DTNB: variants seen among roughly 807,000 people sequenced by gnomAD.
DTNB encodes DTN-B.
Under a neutral mutation model 90.7 loss-of-function variants are expected in DTNB, and 63 were observed. That is an observed-to-expected ratio of 0.69 (90% CI 0.57 to 0.86). The LOEUF is 0.86. Ranked by LOEUF, DTNB falls within the 40% of genes least tolerant of loss-of-function variation. The pLI is 0.00. For synonymous variants in DTNB, 277 were observed against 286.7 expected (o/e 0.97, Z 0.34); for missense variants, 744 against 807.1 (o/e 0.92, Z 0.95).
In DTNB at chr2:25,509,472, T is replaced by C. The variant is rs143394324; in HGVS notation, c.1001+22001A>G. ...GCGAGGTTCCTTTAGTAGTGAGCAT[T>C]TTTATTCATCTGCAAATGTTTTTGT... On this transcript the variant is annotated intron_variant, in intron 9 of 20. Coordinates refer to ENST00000406818, the MANE Select transcript of DTNB (RefSeq NM_021907.5). Among the ~76,000 whole-genome samples the C allele has an allele frequency of 4.6e-3, 700 of 152,282 alleles. 4 individuals are homozygous for C. The highest frequency in any genetic ancestry group is 6.1e-3 in the Non-Finnish European group (417 of 68,028).
intron 12 of DTNB, among the ~76,000 whole-genome samples, chr2:25,450,954 G>T (rs752080604): frequency 3.3e-5 from 5 of 152,072 alleles, no homozygotes; most frequent in African/African-American, 1.2e-4. Flanking sequence ...ACAGGTGCGT[G>T]CTACCACACC....
intron 10 of DTNB, among the ~76,000 whole-genome samples, chr2:25,479,920 A>G (rs539895475): frequency 7.9e-5 from 12 of 152,142 alleles, no homozygotes; most frequent in Non-Finnish European, 1.6e-4. Context: ...GTCTGGGCAG[A>G]GTAAGGCTCT....
At chr2:25,538,880 T>G (rs2080476315) in intron 8 of DTNB, among the ~76,000 whole-genome samples, 1 of 152,224 alleles carries the variant, frequency 6.6e-6, no homozygotes, top group Non-Finnish European at 1.5e-5. Flanking sequence ...CCACTCCCAC[T>G]CTGCCTCCTC....
chr2:25,437,262 G>C (rs1250254982), intron 12 of DTNB, among the ~76,000 whole-genome samples: 1 of 151,316 alleles, frequency 6.6e-6, no homozygotes, highest in Non-Finnish European at 1.5e-5. Flanking sequence ...TTTTATCTAT[G>C]TACTTTTTTT....
intron 16 of DTNB, among the ~76,000 whole-genome samples, chr2:25,396,615 T>C (rs1445071394): frequency 6.6e-6 from 1 of 151,578 alleles, no homozygotes; most frequent in Admixed American, 6.6e-5. Context: ...CAGTGTACAC[T>C]GCTTGGGTGA....
chr2:25,645,592 C>A (rs867417194), intron 2 of DTNB, among the ~76,000 whole-genome samples: 1 of 151,998 alleles, frequency 6.6e-6, no homozygotes, highest in African/African-American at 2.4e-5. Flanking sequence ...CAAAAACATG[C>A]CACCACACCT....
chr2:25,476,234 A>C (rs1266678140), intron 10 of DTNB, among the ~76,000 whole-genome samples: 1 of 151,954 alleles, frequency 6.6e-6, no homozygotes, highest in Admixed American at 6.6e-5. Context: ...ATGCCAAGCT[A>C]ATTTTTGTAG....
intron 9 of DTNB, among the ~76,000 whole-genome samples, chr2:25,522,454 T>C (rs1304396341): frequency 1.3e-5 from 2 of 152,188 alleles, no homozygotes; most frequent in African/African-American, 2.4e-5. Context: ...TCAATACATT[T>C]TAGGTGCCTA....
At chr2:25,481,138 C>A (rs977497634) in intron 10 of DTNB, among the ~76,000 whole-genome samples, 6 of 152,000 alleles carry the variant, frequency 3.9e-5, no homozygotes, top group African/African-American at 7.3e-5. Context: ...GTGGCTCGTG[C>A]CCGTAATCCA....
chr2:25,573,647 AG>A (rs2060212526), intron 8 of DTNB, among the ~76,000 whole-genome samples: 1 of 152,202 alleles, frequency 6.6e-6, no homozygotes, highest in Non-Finnish European at 1.5e-5. Flanking sequence ...CACTTGACCT[AG>A]AGCCCGGTGG....
At chr2:25,434,208 G>A (rs553151346) in intron 12 of DTNB, among the ~76,000 whole-genome samples, 4 of 151,848 alleles carry the variant, frequency 2.6e-5, no homozygotes, top group African/African-American at 7.3e-5. Flanking sequence ...TTCCATCACC[G>A]CAAAAAATTC....
chr2:25,501,017 C>G (rs1346269354), intron 9 of DTNB, among the ~76,000 whole-genome samples: 1 of 152,132 alleles, frequency 6.6e-6, no homozygotes, highest in Admixed American at 6.5e-5. Context: ...CCAAAAAGGT[C>G]TTCAAATACC....
intron 9 of DTNB, among the ~76,000 whole-genome samples, chr2:25,496,216 C>T (rs748716849): frequency 6.6e-6 from 1 of 152,178 alleles, no homozygotes; most frequent in Non-Finnish European, 1.5e-5. Flanking sequence ...GTCTTATAAA[C>T]CGGATCATCA....
chr2:25,611,350 G>A (rs1255925860), intron 4 of DTNB, among the ~76,000 whole-genome samples: 1 of 151,896 alleles, frequency 6.6e-6, no homozygotes, highest in Non-Finnish European at 1.5e-5. Context: ...CTTACTAAAA[G>A]AAAGAAAAAA....
Position 25,628,307 on chromosome 2 carries a change from T to A in DTNB, c.226A>T (p.Ile76Phe). 1 of 1,613,534 alleles carries A rather than the reference T, an allele frequency of 6.2e-7. No individual in the cohort carries two copies. The highest frequency in any genetic ancestry group is 8.5e-7 in the Non-Finnish European group (1 of 1,179,828). ...ACAGTTTCGAGGCGGGACACACTGATCTCGGTGGTATGGTCCAGTGTATTA... is the reference window on the plus strand; with the variant it reads ...ACAGTTTCGAGGCGGGACACACTGAACTCGGTGGTATGGTCCAGTGTATTA... Reference protein sequence around the residue: ...GLNTLDHTTEISVSRLETVIS... With the variant: ...GLNTLDHTTEFSVSRLETVIS... The change falls in exon 4 of 21, where the codon ATC (isoleucine) becomes TTC (phenylalanine). Residue 76 changes from isoleucine to phenylalanine, a missense_variant. Physicochemically the swap from Ile to Phe is conservative, Grantham distance 21. Coordinates refer to ENST00000406818, the MANE Select transcript of DTNB (RefSeq NM_021907.5).
At chr2:25,398,525 C>T (rs2042947262) in intron 16 of DTNB, among the ~76,000 whole-genome samples, 1 of 152,202 alleles carries the variant, frequency 6.6e-6, no homozygotes, top group Non-Finnish European at 1.5e-5. Context: ...TATGCATGGG[C>T]TTTCGCCAGG....
At chr2:25,627,558 A>G (rs2074502133) in intron 4 of DTNB, among the ~76,000 whole-genome samples, 1 of 152,164 alleles carries the variant, frequency 6.6e-6, no homozygotes, top group Non-Finnish European at 1.5e-5. Context: ...AATCAAATTC[A>G]AAACTTAGTG....
At chr2:25,658,789 A>G (rs2082570040) in intron 1 of DTNB, among the ~76,000 whole-genome samples, 1 of 152,232 alleles carries the variant, frequency 6.6e-6, no homozygotes, top group Non-Finnish European at 1.5e-5. Flanking sequence ...GAGTAGGTGA[A>G]GCACGGGGCA....
intron 8 of DTNB, among the ~76,000 whole-genome samples, chr2:25,575,655 T>C (rs2060548110): frequency 6.6e-6 from 1 of 152,214 alleles, no homozygotes; most frequent in Non-Finnish European, 1.5e-5. Context: ...GGTTGAGTTT[T>C]AAGACAACCA....
Sources: allele counts gnomAD v4.1 joint callset (sites outside exome capture counted in the v4.1 genomes callset), GRCh38; gene constraint gnomAD v4.1.1; transcripts MANE v1.5; gene names NCBI Gene and HGNC (gene_info 2026-07-23, HGNC 2026-07-21).